Variants in NAV1 observed in about 807,000 individuals in gnomAD.
The protein encoded by NAV1 is neuron navigator 1.
In NAV1, 18 loss-of-function variants were observed where a neutral mutation model predicts 175.2. That is an observed-to-expected ratio of 0.10 (90% CI 0.07 to 0.15). The LOEUF is 0.15. NAV1 is among the 10% of genes least tolerant of loss of function. The probability of loss-of-function intolerance (pLI) is 1.00; values close to 1 mark genes in which losing one functional copy is unlikely to be tolerated. For synonymous variants in NAV1, 897 were observed against 978.7 expected, an observed-to-expected ratio of 0.92 and a Z score of 1.56; for missense variants, 1,731 against 2,436.6, an observed-to-expected ratio of 0.71 and a Z score of 6.10.
At chr1:201,649,594 C>T (rs1210369440) in intron 1 of NAV1, among the ~76,000 whole-genome samples, 169 bp downstream of exon 5, 2 of 152,214 alleles carry the variant, frequency 1.3e-5, no homozygotes, top group Non-Finnish European at 2.9e-5. Flanking sequence ...GCTGGCCCAC[C>T]TCCAGATGCG....
intron 2 of NAV1, among the ~76,000 whole-genome samples, chr1:201,716,908 C>T (rs1035257103): frequency 6.6e-6 from 1 of 152,038 alleles, no homozygotes; most frequent in Non-Finnish European, 1.5e-5. Context: ...AAAGAGTTGG[C>T]AGGGCCAGGA....
At chr1:201,710,322 T>C (rs1477797838) in intron 1 of NAV1, among the ~76,000 whole-genome samples, 1 of 152,050 alleles carries the variant, frequency 6.6e-6, no homozygotes, top group Non-Finnish European at 1.5e-5. Flanking sequence ...GGTCTCACTC[T>C]GTTGCCCAGG....
chr1:201,542,958 T>A (rs1292039501), intron 1 of NAV1, among the ~76,000 whole-genome samples: 2 of 152,332 alleles, frequency 1.3e-5, no homozygotes, highest in Non-Finnish European at 2.9e-5. Context: ...ACACAGCTGA[T>A]TTTTGTGTGT....
At chr1:201,818,744 T>A (rs1679218363) in intron 29 of NAV1, among the ~76,000 whole-genome samples, 1 of 152,210 alleles carries the variant, frequency 6.6e-6, no homozygotes, top group African/African-American at 2.4e-5. Context: ...TTTTGGAAGA[T>A]AATTTGGCAG....
rs571656889 is a variant in NAV1 at position 201,648,725 on chromosome 1, C to A, written c.57C>A (p.Gly19=). The change falls in exon 1 of 30, where the codon GGC becomes GGA. Residue 19 remains glycine, a synonymous_variant. Coordinates refer to ENST00000367296, the Ensembl canonical transcript of NAV1. ...CCGAGGTGGAGCTGAGCAGCGGCGG[C>A]GGCGACGAGGGCGCGGACGAACCGC... The A allele has an allele frequency of 1.5e-3, 2,072 of 1,414,162 alleles. 24 individuals carry two copies. In the African/African-American group the frequency reaches 0.023, roughly 16 times the overall value. 87.6% of individuals were successfully genotyped at this position (1,414,162 alleles called of 1,614,324 possible). A position where few individuals can be genotyped will look rare whatever the true frequency, so the allele number is the denominator to read the frequency against.
chr1:201,616,557 G>A lies in NAV1; in HGVS notation c.-32-6296G>A, dbSNP rs567424177. Reference sequence around the variant, plus strand: ...GGCTGGAGTGCAATAGCGCAATCTCGGCTCACTGCAACCTCCGCCTCCCAG... The same window carrying A: ...GGCTGGAGTGCAATAGCGCAATCTCAGCTCACTGCAACCTCCGCCTCCCAG... On this transcript the variant is annotated intron_variant, in intron 2 of 33. Coordinates refer to the NAV1 transcript ENST00000685211. Among the ~76,000 whole-genome samples, 7 of 151,888 alleles carry A rather than the reference G, an allele frequency of 4.6e-5. No homozygotes were observed. The South Asian group carries it at 1.0e-3, about 23-fold the overall frequency.
chr1:201,771,512 A>C (rs893796122), intron 3 of NAV1, among the ~76,000 whole-genome samples: 1 of 151,622 alleles, frequency 6.6e-6, no homozygotes, highest in Non-Finnish European at 1.5e-5. Flanking sequence ...AAAAAAAAAA[A>C]AAAAAAAAAA....
At chr1:201,701,331 G>T (rs1671415638) in intron 1 of NAV1, among the ~76,000 whole-genome samples, 1 of 151,648 alleles carries the variant, frequency 6.6e-6, no homozygotes, top group Non-Finnish European at 1.5e-5. Flanking sequence ...GTTAATGGGT[G>T]CAACAAACCA....
intron 2 of NAV1, among the ~76,000 whole-genome samples, chr1:201,616,033 A>G (rs1408612080): frequency 7.1e-6 from 1 of 141,552 alleles, no homozygotes; most frequent in Non-Finnish European, 1.5e-5. Flanking sequence ...TGTGATCATA[A>G]TAAATAACAG....
chr1:201,814,508 A>G (rs1185822498), intron 28 of NAV1, among the ~76,000 whole-genome samples: 1 of 152,228 alleles, frequency 6.6e-6, no homozygotes, highest in African/African-American at 2.4e-5. Flanking sequence ...CAGCACTAAT[A>G]AACTGTGATG....
intron 1 of NAV1, among the ~76,000 whole-genome samples, chr1:201,549,289 C>T (rs1665774294): frequency 6.6e-6 from 1 of 152,020 alleles, no homozygotes; most frequent in East Asian, 1.9e-4. Flanking sequence ...CACATTGCAG[C>T]CTCAACCTCC....
chr1:201,539,495 G>T lies in NAV1; in HGVS notation c.-144+153G>T, dbSNP rs952927950. ...CCGAGGGAGGCTGTGGGCTGGGCTC[G>T]GGAGAGGCGCTGGAATAAATAACAA... On this transcript the variant is annotated intron_variant, in intron 1 of 33. Transcript: ENST00000685211. The surrounding 1 kb of genome is among the most constrained non-coding windows in gnomAD (Gnocchi z 5.6). Among the ~76,000 whole-genome samples the T allele has an allele frequency of 6.6e-6, 1 of 152,118 alleles. No homozygotes were observed. Among genetic ancestry groups the T allele is most frequent in the Non-Finnish European group, 1.5e-5 (1 of 68,000 alleles).
At chr1:201,629,491 G>A in exon 2 of NAV1, 1 of 1,304,072 alleles carries the variant, frequency 7.7e-7, no homozygotes, top group African/African-American at 1.5e-5. Context: ...AGACTGAGGA[G>A]AGCTTCTCCT....
chr1:201,647,004 G>A (rs115981915), upstream of NAV1, among the ~76,000 whole-genome samples: 448 of 152,318 alleles, frequency 2.9e-3, 2 homozygotes, highest in Non-Finnish European at 5.4e-3. Context: ...TGGAGGTTGG[G>A]TTTGGGGTGG....
At chr1:201,652,255 G>T (rs925658357) in intron 1 of NAV1, among the ~76,000 whole-genome samples, 1 of 150,704 alleles carries the variant, frequency 6.6e-6, no homozygotes, top group Non-Finnish European at 1.5e-5. Context: ...TGAGGCGGAG[G>T]GAGGGGGTGG....
intron 3 of NAV1, among the ~76,000 whole-genome samples, chr1:201,753,539 T>G (rs1325281810): frequency 6.6e-6 from 1 of 152,220 alleles, no homozygotes; most frequent in Non-Finnish European, 1.5e-5. Context: ...ATATTTTACC[T>G]TAATAGTGCT....
At chr1:201,648,719 C>A in exon 1 of NAV1, 2 of 1,413,996 alleles carry the variant, frequency 1.4e-6, no homozygotes, top group Non-Finnish European at 1.8e-6. Context: ...AGCTGAGCAG[C>A]GGCGGCGGCG....
Position 201,597,427 on chromosome 1 carries a change from T to A in NAV1, c.-33+8778T>A, listed in dbSNP as rs373037729. Among the ~76,000 whole-genome samples the A allele has an allele frequency of 9.4e-4, 143 of 152,344 alleles. 1 individual carries two copies. The highest frequency in any genetic ancestry group is 3.0e-3 in the African/African-American group (124 of 41,588). On this transcript the variant is annotated intron_variant, in intron 2 of 33. Coordinates refer to the NAV1 transcript ENST00000685211. ...CCTCACTCTGAAGACAGCTAAGCTG[T>A]CTTCCTGGGGGCTTCCTGGTCAAGG...
chr1:201,691,430 C>G (rs1484603517), intron 1 of NAV1, among the ~76,000 whole-genome samples: 1 of 152,154 alleles, frequency 6.6e-6, no homozygotes, highest in Non-Finnish European at 1.5e-5. Context: ...TTTTGGTCAG[C>G]TTTTTATCCC....
Sources: gnomAD v4.1 joint callset for allele counts (sites outside exome capture counted in the v4.1 genomes callset) on GRCh38, gnomAD v4.1.1 for gene constraint, Gnocchi (gnomAD v3.1) non-coding constraint, MANE v1.5 for transcripts, NCBI Gene and HGNC (gene_info 2026-07-23, HGNC 2026-07-21) for gene names.